The following AKAP13 variants were observed in gnomAD, a reference collection of about 807,000 sequenced individuals.
AKAP13 encodes the protein A-kinase anchor protein 13.
AKAP13 carries 80 observed loss-of-function variants against 264.5 expected under a neutral mutation model. That is an observed-to-expected ratio of 0.30 (90% CI 0.25 to 0.36). AKAP13 has a LOEUF of 0.36. AKAP13 is among the 10% of genes least tolerant of loss of function. AKAP13 has a pLI of 1.00. For missense variants in AKAP13, 3,712 were observed against 3,435.2 expected (o/e 1.08, Z -2.01); for synonymous variants, 1,380 against 1,250.2 (o/e 1.10, Z -2.19).
At chr15:85,653,917 C>G (rs2082981609) in intron 10 of AKAP13, among the ~76,000 whole-genome samples, 1 of 152,172 alleles carries the variant, frequency 6.6e-6, no homozygotes, top group South Asian at 2.1e-4. Context: ...ATTCTGTGTT[C>G]TGGTATCTCC....
intron 1 of AKAP13, among the ~76,000 whole-genome samples, chr15:85,449,223 G>A (rs554940047): frequency 5.3e-5 from 8 of 151,926 alleles, no homozygotes; most frequent in African/African-American, 1.7e-4. Context: ...TTTGGCTCTC[G>A]ATTTGGTTGC....
Position 85,605,406 on chromosome 15 carries a change from A to T in AKAP13, c.4161+19583A>T, listed in dbSNP as rs531775727. Among the ~76,000 whole-genome samples, 21 of 152,280 alleles carry T rather than the reference A, an allele frequency of 1.4e-4. No homozygotes were observed. The South Asian group carries it at 4.4e-3, about 32-fold the overall frequency. On this transcript the variant is annotated intron_variant, in intron 8 of 36. Transcript: ENST00000394518. ...CAAACACTGCATGTTCTCACTTATA[A>T]GGGGGAGCTGAACAATGAGAACATG... is the stretch of plus-strand genomic sequence containing the variant.
chr15:85,408,195 G>A (rs1304057626), intron 1 of AKAP13, among the ~76,000 whole-genome samples: 2 of 151,590 alleles, frequency 1.3e-5, no homozygotes, highest in Non-Finnish European at 2.9e-5. Flanking sequence ...TCTTGATTTT[G>A]CCCACAATCT....
chr15:85,553,775 C>T (rs113204851), intron 5 of AKAP13, among the ~76,000 whole-genome samples: 6 of 152,150 alleles, frequency 3.9e-5, no homozygotes, highest in Non-Finnish European at 7.3e-5. Flanking sequence ...GGCGGGCGAG[C>T]GAGCATTACC....
At chr15:85,654,408 T>C (rs940417242) in intron 10 of AKAP13, among the ~76,000 whole-genome samples, 1 of 152,204 alleles carries the variant, frequency 6.6e-6, no homozygotes, top group Non-Finnish European at 1.5e-5. Context: ...TAAAAAATAA[T>C]TAAACCTAAC....
intron 8 of AKAP13, among the ~76,000 whole-genome samples, chr15:85,600,452 A>G (rs186187499): frequency 6.6e-6 from 1 of 152,330 alleles, no homozygotes; most frequent in East Asian, 1.9e-4. Context: ...GAATTGTTAA[A>G]TATTTTTAAA....
chr15:85,482,730 G>A (rs2075389413), intron 1 of AKAP13, among the ~76,000 whole-genome samples: 1 of 152,204 alleles, frequency 6.6e-6, no homozygotes, highest in African/African-American at 2.4e-5. Flanking sequence ...AGGGGAAATA[G>A]TATCTTTTTA....
chr15:85,744,529 C>A, intron 36 of AKAP13, 99 bp from the exon 37 acceptor site: 2 of 1,288,874 alleles, frequency 1.6e-6, no homozygotes, highest in South Asian at 1.2e-5. Flanking sequence ...AAGCCCCAGT[C>A]GCCTGTTTGC....
chr15:85,645,748 T>C (rs2082528298), intron 9 of AKAP13, 70 bp from the exon 10 acceptor site: 6 of 1,472,352 alleles, frequency 4.1e-6, no homozygotes, highest in Non-Finnish European at 5.4e-6. Flanking sequence ...GAAAAGGAAG[T>C]GGTTCTTTTT....
chr15:85,718,203 T>C lies in AKAP13; in HGVS notation c.6001+44T>C. The C allele has an allele frequency of 6.3e-7, 1 of 1,597,042 alleles. No homozygotes were observed. Among genetic ancestry groups the C allele is most frequent in the Non-Finnish European group, 8.6e-7 (1 of 1,168,942 alleles). ...CTCTGATTATATTTGATTTCCATTG[T>C]CCAGCATTTTTAAGCAGTAATTTGT... is the stretch of plus-strand genomic sequence containing the variant. On this transcript the variant is annotated intron_variant, in intron 22 of 36. Coordinates refer to ENST00000394518, the MANE Select transcript of AKAP13 (RefSeq NM_007200.5). This position sits in a 1 kb window ranked among gnomAD's most constrained non-coding sequence, Gnocchi z 4.9.
intron 13 of AKAP13, among the ~76,000 whole-genome samples, chr15:85,666,898 G>A (rs555991207): frequency 2.6e-5 from 4 of 152,150 alleles, no homozygotes; most frequent in Non-Finnish European, 5.9e-5. Flanking sequence ...GAGCTTTTGA[G>A]TTGAGAATTC....
chr15:85,440,129 T>C (rs1432126613), intron 1 of AKAP13, among the ~76,000 whole-genome samples: 1 of 152,202 alleles, frequency 6.6e-6, no homozygotes, highest in Non-Finnish European at 1.5e-5. Flanking sequence ...GCAATTACTT[T>C]AGCTGAACCA....
intron 5 of AKAP13, among the ~76,000 whole-genome samples, chr15:85,567,943 TG>T (rs1225721717): frequency 6.0e-5 from 5 of 83,530 alleles, no homozygotes; most frequent in Non-Finnish European, 1.4e-4. Flanking sequence ...CCCAAAGAGG[TG>T]TGTGTGTGTG....
intron 17 of AKAP13, among the ~76,000 whole-genome samples, chr15:85,699,270 C>T (rs2085760543): frequency 6.6e-6 from 1 of 151,952 alleles, no homozygotes; most frequent in Admixed American, 6.5e-5. Flanking sequence ...ATGGTGAAAC[C>T]CCATCTCTAC....
rs192261528 is a variant in AKAP13, at chr15:85,454,435, C to T, written c.-11-31275C>T. Among the ~76,000 whole-genome samples the T allele has an allele frequency of 1.4e-4, 22 of 152,172 alleles. No individual in the cohort carries two copies. In the East Asian group the frequency reaches 3.7e-3, roughly 25 times the overall value. ...TGAGTCGGGGAGGAACCCCTGGCTC[C>T]GTGTTGCTCCCAGGTGCGCTGTTTT... On this transcript the variant is annotated intron_variant, in intron 1 of 36. Coordinates refer to ENST00000394518, the MANE Select transcript of AKAP13 (RefSeq NM_007200.5).
At chr15:85,521,381 A>T (rs201903498) in intron 2 of AKAP13, 47 bp from the exon 3 acceptor site, 21 of 1,599,758 alleles carry the variant, frequency 1.3e-5, no homozygotes, top group East Asian at 6.7e-5. Flanking sequence ...TAGGCTGCGA[A>T]GAGGAACCTT....
rs147408836 is a variant in AKAP13, at chr15:85,626,693, G to A, written c.4162-12681G>A. 7.1e-3 allele frequency among the ~76,000 whole-genome samples: 1,080 copies of A among 152,296 alleles called. 13 individuals carry two copies. Among genetic ancestry groups the A allele is most frequent in the African/African-American group, 0.024 (1,013 of 41,550 alleles). ...CCATTTGGCTGTTGCAAATAATGCT[G>A]TTATGAGCATTGGTATACAAATATC... On this transcript the variant is annotated intron_variant, in intron 8 of 36. Coordinates refer to ENST00000394518, the MANE Select transcript of AKAP13 (RefSeq NM_007200.5).
intron 8 of AKAP13, among the ~76,000 whole-genome samples, chr15:85,591,868 A>G (rs1204628931): frequency 2.6e-5 from 4 of 152,184 alleles, no homozygotes; most frequent in Non-Finnish European, 5.9e-5. Flanking sequence ...AGTTAATTCT[A>G]CAAACCAGTA....
intron 6 of AKAP13, among the ~76,000 whole-genome samples, chr15:85,576,814 T>G (rs1416337495): frequency 6.6e-6 from 1 of 152,184 alleles, no homozygotes; most frequent in African/African-American, 2.4e-5. Context: ...CTCTTTTTAC[T>G]AGGTGAATGG....
Sources: allele counts gnomAD v4.1 joint callset (sites outside exome capture counted in the v4.1 genomes callset), GRCh38; gene constraint gnomAD v4.1.1; non-coding constraint Gnocchi (gnomAD v3.1); transcripts MANE v1.5; gene names NCBI Gene and HGNC (gene_info 2026-07-23, HGNC 2026-07-21).